Variants in DRG1 observed in about 807,000 individuals in gnomAD.
DRG1 encodes the protein developmentally regulated GTP binding protein 1.
A neutral mutation model predicts 38.8 loss-of-function variants in DRG1; 19 were observed. The observed-to-expected ratio is 0.49, with a 90% CI of 0.34 to 0.72. The LOEUF is 0.72. DRG1 is among the 30% of genes least tolerant of loss of function. DRG1 has a pLI of 0.01. For missense variants in DRG1, 299 were observed against 444.8 expected, an observed-to-expected ratio of 0.67 and a Z score of 2.95; for synonymous variants, 167 against 157.5, an observed-to-expected ratio of 1.06 and a Z score of -0.45.
In DRG1 at chr22:31,411,086, G is replaced by A; in HGVS notation, c.412+5G>A. 4.3e-6 allele frequency: 7 copies of A among 1,613,442 alleles called. No homozygotes were observed. The South Asian group carries it at 4.4e-5, about 10-fold the overall frequency. On this transcript the variant is annotated splice_donor_5th_base_variant and intron_variant, in intron 4 of 8. Coordinates refer to ENST00000331457, the MANE Select transcript of DRG1 (RefSeq NM_004147.4). ...GAGGTCGTCAAGTCATTGCAGGTGA[G>A]TGGTTTAAGTGCCACCATCCTGGGA...
chr22:31,414,510 C>G (rs1171177742), intron 4 of DRG1, among the ~76,000 whole-genome samples: 2 of 152,106 alleles, frequency 1.3e-5, no homozygotes, highest in African/African-American at 4.8e-5. Context: ...TTGCTCTTCC[C>G]TTAGTCTTTT....
rs1463516062 is a variant in DRG1 at position 31,420,935 on chromosome 22, G to A, written c.582+510G>A. ...AAGGAGATAAGAGTGTTGGTGTGAGGGTTGCAGTTTTAAGAACGTTGGTCA... is the reference window on the plus strand; with the variant it reads ...AAGGAGATAAGAGTGTTGGTGTGAGAGTTGCAGTTTTAAGAACGTTGGTCA... On this transcript the variant is annotated intron_variant, in intron 5 of 8. Coordinates refer to ENST00000331457, the MANE Select transcript of DRG1 (RefSeq NM_004147.4). 3.9e-5 allele frequency among the ~76,000 whole-genome samples: 6 copies of A among 151,990 alleles called. No individual in the cohort carries two copies. The East Asian group carries it at 1.2e-3, about 29-fold the overall frequency.
chr22:31,409,043 G>A (rs968726152), intron 3 of DRG1, among the ~76,000 whole-genome samples: 2 of 151,776 alleles, frequency 1.3e-5, no homozygotes, highest in African/African-American at 4.8e-5. Flanking sequence ...GCATTTCCTG[G>A]GCAGTTGAGC....
At chr22:31,403,007 T>C (rs1422303395) in intron 2 of DRG1, 22 bp from the exon 3 acceptor site, 2 of 1,599,594 alleles carry the variant, frequency 1.3e-6, no homozygotes, top group African/African-American at 1.3e-5. Flanking sequence ...TCTCCTCTTT[T>C]TGGTATTCAT....
intron 5 of DRG1, chr22:31,421,375 G>A (rs2050076017): frequency 6.7e-6 from 1 of 149,394 alleles, no homozygotes; most frequent in African/African-American, 2.5e-5. Flanking sequence ...TCCTGCTTCG[G>A]TCTCCCAAAG....
chr22:31,425,534 G>T (rs1219464581), intron 6 of DRG1, among the ~76,000 whole-genome samples: 1 of 150,992 alleles, frequency 6.6e-6, no homozygotes, highest in African/African-American at 2.4e-5. Flanking sequence ...TTGAACTCCC[G>T]GGCTCAATCC....
At chr22:31,405,841 A>T (rs1051100947) in intron 3 of DRG1, among the ~76,000 whole-genome samples, 8 of 151,930 alleles carry the variant, frequency 5.3e-5, no homozygotes, top group African/African-American at 1.9e-4. Context: ...GGTGCCCACC[A>T]CTATGCCCAG....
chr22:31,417,722 G>A (rs2050052543), intron 4 of DRG1, among the ~76,000 whole-genome samples: 1 of 151,964 alleles, frequency 6.6e-6, no homozygotes, highest in South Asian at 2.1e-4. Flanking sequence ...TGGGCATGGT[G>A]GTACATGCAT....
chr22:31,411,111 A>G (rs554460015), intron 4 of DRG1, 30 bp downstream of exon 4: 75 of 1,609,738 alleles, frequency 4.7e-5, no homozygotes, highest in South Asian at 2.4e-4. Context: ...CCATCCTGGG[A>G]TATCATTCCC....
intron 3 of DRG1, among the ~76,000 whole-genome samples, chr22:31,409,395 G>A (rs1243390596): frequency 1.3e-5 from 2 of 152,070 alleles, no homozygotes; most frequent in East Asian, 3.8e-4. Flanking sequence ...AGCCTGAGCA[G>A]TCATTTTTTA....
chr22:31,399,874 C>A, intron 1 of DRG1, 149 bp downstream of exon 1: 1 of 1,144,536 alleles, frequency 8.7e-7, no homozygotes, highest in Non-Finnish European at 1.3e-6. Flanking sequence ...CTGCCCTCTG[C>A]CACGATTAGG....
intron 2 of DRG1, among the ~76,000 whole-genome samples, chr22:31,401,811 C>T (rs577699750): frequency 3.8e-4 from 57 of 151,912 alleles, no homozygotes; most frequent in Non-Finnish European, 6.8e-4. Flanking sequence ...CCCAGCACTT[C>T]GGGAGGCCGA....
intron 8 of DRG1, 119 bp from the exon 9 acceptor site, chr22:31,433,753 G>A (rs2050155772): frequency 1.3e-6 from 1 of 765,344 alleles, no homozygotes; most frequent in Non-Finnish European, 2.1e-6. Flanking sequence ...TAAAGCTTTT[G>A]TAGGTCTATG....
chr22:31,412,381 C>T (rs9606840), intron 4 of DRG1, among the ~76,000 whole-genome samples: 15 of 134,114 alleles, frequency 1.1e-4, no homozygotes, highest in East Asian at 2.1e-4. Flanking sequence ...GATGGAGTCT[C>T]GCTCTGTCGC....
intron 5 of DRG1, among the ~76,000 whole-genome samples, chr22:31,420,646 A>T (rs530662815): frequency 6.6e-6 from 1 of 152,280 alleles, no homozygotes; most frequent in African/African-American, 2.4e-5. Flanking sequence ...TGGATTATCT[A>T]TTGGGAATGA....
chr22:31,422,024 A>G (rs2050079477), intron 5 of DRG1, among the ~76,000 whole-genome samples: 1 of 151,854 alleles, frequency 6.6e-6, no homozygotes, highest in Admixed American at 6.6e-5. Context: ...CTGAGGCAGG[A>G]GAATCGAACC....
At position 31,420,167 on chromosome 22, in the gene DRG1, G is replaced by A. The variant is rs537155522; in HGVS notation, c.413-89G>A. On this transcript the variant is annotated intron_variant, in intron 4 of 8. Coordinates refer to ENST00000331457, the MANE Select transcript of DRG1 (RefSeq NM_004147.4). ...CAGAAAAATCCTTTGACACTTAAAT[G>A]TAGGGGGAAAAAACACCTCTACTTG... 15 of 1,446,112 alleles carry A rather than the reference G, an allele frequency of 1.0e-5. No homozygotes were observed. The East Asian group carries it at 3.0e-4, about 29-fold the overall frequency. The allele number at this position is 1,446,112 out of a possible 1,614,324, so 89.6% of individuals were successfully genotyped here.
At chr22:31,418,314 A>G (rs1306302295) in intron 4 of DRG1, among the ~76,000 whole-genome samples, 2 of 152,166 alleles carry the variant, frequency 1.3e-5, no homozygotes, top group South Asian at 2.1e-4. Flanking sequence ...AAAAATAGCC[A>G]TGTGACATGG....
chr22:31,423,233 T>A (rs753234042), intron 5 of DRG1, 47 bp from the exon 6 acceptor site: 2 of 1,593,198 alleles, frequency 1.3e-6, no homozygotes, highest in Admixed American at 1.7e-5. Flanking sequence ...TTGACAAGTA[T>A]TTTTTTTAAA....
Sources: gnomAD v4.1 joint callset for allele counts (sites outside exome capture counted in the v4.1 genomes callset) on GRCh38, gnomAD v4.1.1 for gene constraint, MANE v1.5 for transcripts, NCBI Gene and HGNC (gene_info 2026-07-23, HGNC 2026-07-21) for gene names.